The following ESRRG variants were observed in gnomAD, a reference collection of about 807,000 sequenced individuals.
ESRRG encodes the protein estrogen related receptor gamma.
A neutral mutation model predicts 44.0 loss-of-function variants in ESRRG; 13 were observed. That is an observed-to-expected ratio of 0.30 (90% CI 0.19 to 0.47). The LOEUF (loss-of-function observed/expected upper bound fraction) is 0.47, where lower values mean the gene tolerates loss of function less well. Among genes scored for constraint, ESRRG ranks in the 20% least tolerant of loss-of-function variants. The probability of loss-of-function intolerance (pLI) is 1.00; values close to 1 mark genes in which losing one functional copy is unlikely to be tolerated. For missense variants in ESRRG, 395 were observed against 580.6 expected, an observed-to-expected ratio of 0.68 and a Z score of 3.29; for synonymous variants, 215 against 214.6, an observed-to-expected ratio of 1.00 and a Z score of -0.02.
At chr1:216,684,219 A>T (rs1373240247) in intron 1 of ESRRG, among the ~76,000 whole-genome samples, 1 of 152,210 alleles carries the variant, frequency 6.6e-6, no homozygotes, top group African/African-American at 2.4e-5. Flanking sequence ...AGGAAATTGC[A>T]GTTGCTTCAA....
At chr1:216,624,653 C>T (rs767476814) in intron 3 of ESRRG, among the ~76,000 whole-genome samples, 1 of 152,128 alleles carries the variant, frequency 6.6e-6, no homozygotes, top group Admixed American at 6.6e-5. Flanking sequence ...ATAACCGAAC[C>T]TTCATCTTTA....
intron 2 of ESRRG, among the ~76,000 whole-genome samples, chr1:216,919,441 A>T (rs2061566003): frequency 6.6e-6 from 1 of 152,218 alleles, no homozygotes; most frequent in African/African-American, 2.4e-5. Context: ...CCAATCATAC[A>T]GCTAGAACAC....
rs916901857 is a variant in ESRRG at position 217,022,520 on chromosome 1, CT to C, written c.-106+66986del. Reference sequence around the variant, plus strand: ...GACTTCCCAAATTTACTGATGGTCACTTTTTTTTTTAACGCTGATTGTACTT... The same window carrying C: ...GACTTCCCAAATTTACTGATGGTCACTTTTTTTTTAACGCTGATTGTACTT... On this transcript the variant is annotated intron_variant, in intron 1 of 7. Coordinates refer to the ESRRG transcript ENST00000359162. 1.9e-4 allele frequency among the ~76,000 whole-genome samples: 29 copies of C among 149,070 alleles called. No individual in the cohort carries two copies. The East Asian group carries it at 2.1e-3, about 11-fold the overall frequency.
At chr1:217,089,962 G>C (rs1207725325), upstream of ESRRG, among the ~76,000 whole-genome samples, 2 of 152,190 alleles carry the variant, frequency 1.3e-5, no homozygotes, top group African/African-American at 4.8e-5. Context: ...GGTTCTCCTC[G>C]GGTGGTTACG....
At chr1:216,544,609 C>T (rs532718691) in intron 5 of ESRRG, among the ~76,000 whole-genome samples, 1 of 152,130 alleles carries the variant, frequency 6.6e-6, no homozygotes, top group South Asian at 2.1e-4. Context: ...CATCAACCTC[C>T]TCTCAAAACT....
intron 1 of ESRRG, among the ~76,000 whole-genome samples, chr1:217,044,215 C>T (rs181930112): frequency 2.0e-5 from 3 of 152,240 alleles, no homozygotes; most frequent in Admixed American, 6.5e-5. Context: ...CCACTGACCA[C>T]CCTCCCTTTT....
intron 3 of ESRRG, among the ~76,000 whole-genome samples, chr1:216,630,915 AT>A (rs11572719): frequency 0.22 from 33,878 of 151,898 alleles, 4,000 homozygotes; most frequent in East Asian, 0.39. Context: ...AAAGAGTGAG[AT>A]TTTTCATCAG....
intron 1 of ESRRG, among the ~76,000 whole-genome samples, chr1:217,004,874 T>C (rs917539315): frequency 3.3e-5 from 5 of 152,276 alleles, no homozygotes; most frequent in Non-Finnish European, 5.9e-5. Context: ...GGACTAAAAA[T>C]AGTAAAAGGG....
At chr1:216,843,141 C>CT (rs5780933) in intron 2 of ESRRG, among the ~76,000 whole-genome samples, 19,969 of 149,672 alleles carry the variant, frequency 0.13, 1,391 homozygotes, top group Middle Eastern at 0.19. Flanking sequence ...GAGAGATAGT[C>CT]TTTTTTTTTT....
intron 1 of ESRRG, among the ~76,000 whole-genome samples, chr1:217,072,583 A>G (rs1423356405): frequency 1.3e-5 from 2 of 152,224 alleles, no homozygotes; most frequent in Non-Finnish European, 2.9e-5. Flanking sequence ...CAGAATGGCT[A>G]AGCATCTTTC....
At chr1:216,902,469 C>A (rs2059195245) in intron 2 of ESRRG, among the ~76,000 whole-genome samples, 2 of 144,636 alleles carry the variant, frequency 1.4e-5, no homozygotes, top group African/African-American at 2.6e-5. Context: ...GCCTAGGCAA[C>A]AGAGTCTCGA....
At chr1:216,732,272 T>C (rs1468571822) in intron 2 of ESRRG, among the ~76,000 whole-genome samples, 2 of 152,138 alleles carry the variant, frequency 1.3e-5, no homozygotes, top group African/African-American at 2.4e-5. Flanking sequence ...ACTTCATTAT[T>C]ATTATATTAT....
chr1:216,819,638 T>C (rs2148589161), intron 2 of ESRRG, among the ~76,000 whole-genome samples: 1 of 152,354 alleles, frequency 6.6e-6, no homozygotes, highest in Non-Finnish European at 1.5e-5. Context: ...TAGTACTTTT[T>C]TTTTTGTCAT....
intron 2 of ESRRG, among the ~76,000 whole-genome samples, chr1:216,826,497 T>C (rs2095398936): frequency 6.6e-6 from 1 of 152,186 alleles, no homozygotes; most frequent in Non-Finnish European, 1.5e-5. Flanking sequence ...CTGACAATAA[T>C]GCTATTGTTA....
intron 3 of ESRRG, among the ~76,000 whole-genome samples, chr1:216,600,210 C>T (rs960700697): frequency 2.0e-5 from 3 of 152,080 alleles, no homozygotes; most frequent in African/African-American, 7.2e-5. Flanking sequence ...CTAGGCAGAG[C>T]AGAGAGGATT....
intron 2 of ESRRG, among the ~76,000 whole-genome samples, chr1:216,834,196 T>A (rs1393766360): frequency 6.6e-6 from 1 of 151,894 alleles, no homozygotes. Context: ...AGCCTAGGAG[T>A]TTGAAACCAG....
chr1:216,716,660 G>A (rs1339339), intron 1 of ESRRG, among the ~76,000 whole-genome samples: 150,354 of 152,062 alleles, frequency 0.99, 74,358 homozygotes, highest in Middle Eastern at 1. Flanking sequence ...GACAAAGACT[G>A]TTTTTTATAA....
At chr1:216,514,871 G>C (rs1489288864) in intron 6 of ESRRG, among the ~76,000 whole-genome samples, 3 of 151,892 alleles carry the variant, frequency 2.0e-5, no homozygotes, top group African/African-American at 7.3e-5. Flanking sequence ...ATAATCTCTT[G>C]ACCAGCAGCT....
At chr1:216,878,030 A>G (rs1265052134) in intron 2 of ESRRG, among the ~76,000 whole-genome samples, 2 of 152,230 alleles carry the variant, frequency 1.3e-5, no homozygotes, top group Non-Finnish European at 2.9e-5. Context: ...GTCATGCAGT[A>G]TGCATATACT....
Sources: allele counts gnomAD v4.1 joint callset (sites outside exome capture counted in the v4.1 genomes callset), GRCh38; gene constraint gnomAD v4.1.1; transcripts MANE v1.5; gene names NCBI Gene and HGNC (gene_info 2026-07-23, HGNC 2026-07-21).